Variants in TTC7A observed in about 807,000 individuals in gnomAD.
TTC7A encodes the protein tetratricopeptide repeat domain 7A.
Under a neutral mutation model 103.7 loss-of-function variants are expected in TTC7A, and 110 were observed. The observed-to-expected ratio is 1.06, with a 90% CI of 0.91 to 1.24. The LOEUF (loss-of-function observed/expected upper bound fraction) is 1.24, where lower values mean the gene tolerates loss of function less well. TTC7A is among the 50% of genes most tolerant of loss of function. The pLI, the probability that TTC7A is intolerant of heterozygous loss-of-function variation, is 0.00. For synonymous variants in TTC7A, 521 were observed against 467.9 expected, an observed-to-expected ratio of 1.11 and a Z score of -1.47; for missense variants, 1,340 against 1,116.3, an observed-to-expected ratio of 1.20 and a Z score of -2.86.
chr2:46,966,960 C>T (rs1672914033), intron 3 of TTC7A, among the ~76,000 whole-genome samples: 1 of 150,854 alleles, frequency 6.6e-6, no homozygotes, highest in Admixed American at 6.6e-5. Context: ...TGCCTATAAT[C>T]CCAGTACTTT....
rs115166201 is a variant in TTC7A at position 47,019,228 on chromosome 2, A to T, written c.1393-2634A>T. Among the ~76,000 whole-genome samples the T allele has an allele frequency of 3.6e-3, 551 of 152,244 alleles. 10 individuals carry two copies. The highest frequency in any genetic ancestry group is 0.013 in the African/African-American group (531 of 41,538). On this transcript the variant is annotated intron_variant, in intron 11 of 19. Coordinates refer to ENST00000319190, the MANE Select transcript of TTC7A (RefSeq NM_020458.4). ...GCATGCAAAAAGCCTGCCTTGTAGTATGGTAATAGAAATCAAAATTATGGC... is the reference window on the plus strand; with the variant it reads ...GCATGCAAAAAGCCTGCCTTGTAGTTTGGTAATAGAAATCAAAATTATGGC...
chr2:46,962,962 G>A (rs932953083), intron 3 of TTC7A, among the ~76,000 whole-genome samples: 1 of 152,236 alleles, frequency 6.6e-6, no homozygotes, highest in African/African-American at 2.4e-5. Context: ...ATCTTCATGG[G>A]TGAGAACCTA....
intron 2 of TTC7A, among the ~76,000 whole-genome samples, chr2:46,924,260 C>T (rs1477182812): frequency 6.6e-6 from 1 of 151,698 alleles, no homozygotes; most frequent in Non-Finnish European, 1.5e-5. Context: ...CTCAAAGTCC[C>T]TGTAAACCAG....
rs756396293 is a variant in TTC7A at position 47,073,937 on chromosome 2, G to C, written c.*14G>C. The C allele has an allele frequency of 1.9e-6, 3 of 1,600,854 alleles. No individual in the cohort carries two copies. Among genetic ancestry groups the C allele is most frequent in the Non-Finnish European group, 2.6e-6 (3 of 1,172,624 alleles). On this transcript the variant is annotated 3_prime_UTR_variant, in exon 20 of 20. Coordinates refer to ENST00000319190, the MANE Select transcript of TTC7A (RefSeq NM_020458.4). ...AGAGAGCTCTGACGACGCTGCAGCC[G>C]CAGGGAGGGAGGGGCTGGCCAGAGG...
intron 17 of TTC7A, 168 bp downstream of exon 17, chr2:47,050,214 G>C: frequency 3.2e-6 from 2 of 621,522 alleles, no homozygotes; most frequent in Non-Finnish European, 2.9e-6. Context: ...GCTCTGGGTA[G>C]GGGCTGGCTG....
intron 2 of TTC7A, among the ~76,000 whole-genome samples, chr2:46,951,957 T>C (rs1240402649): frequency 6.6e-6 from 1 of 152,172 alleles, no homozygotes; most frequent in Non-Finnish European, 1.5e-5. Context: ...AGGGGGATGC[T>C]CTTTGGGGAT....
intron 3 of TTC7A, among the ~76,000 whole-genome samples, chr2:46,966,412 A>G (rs1370555280): frequency 6.6e-6 from 1 of 152,160 alleles, no homozygotes; most frequent in African/African-American, 2.4e-5. Context: ...CTATAGGATT[A>G]TATATGCTTT....
chr2:46,966,790 CTT>C (rs34299761), intron 3 of TTC7A, among the ~76,000 whole-genome samples: 111 of 132,638 alleles, frequency 8.4e-4, no homozygotes, highest in Non-Finnish European at 9.0e-4. Context: ...CCACCCCCAG[CTT>C]TTTTTTTTTT....
chr2:46,950,664 C>A, intron 2 of TTC7A, 138 bp downstream of exon 2: 2 of 885,044 alleles, frequency 2.3e-6, no homozygotes, highest in South Asian at 3.6e-5. Flanking sequence ...ACAGTAGCCA[C>A]TGGCTGCACA....
intron 11 of TTC7A, among the ~76,000 whole-genome samples, chr2:47,012,900 C>G (rs981063475): frequency 1.3e-5 from 2 of 152,274 alleles, no homozygotes; most frequent in Admixed American, 6.5e-5. Context: ...GCATCTGGCT[C>G]GTGTTCTTTA....
In TTC7A at chr2:46,941,593, G is replaced by C. The variant is rs1177931649; in HGVS notation, c.52G>C (p.Glu18Gln). The change falls in exon 1 of 20, where the codon GAG becomes CAG. Residue 18 changes from glutamate (E) to glutamine (Q), a missense_variant. Glu to Gln is a conservative substitution (Grantham distance 29). Coordinates refer to ENST00000319190, the MANE Select transcript of TTC7A (RefSeq NM_020458.4). This position sits in a 1 kb window ranked among gnomAD's most constrained non-coding sequence, Gnocchi z 4.2. ...CTACCTGAAGGTGGAGAGCGAGCTG[G>C]AGCGCTGCCGCGCCGAGGGCCACTG... is the stretch of plus-strand genomic sequence containing the variant. ...GSYLKVESEL[E>Q]RCRAEGHWDR... 3.2e-6 allele frequency: 5 copies of C among 1,557,176 alleles called. No individual in the cohort carries two copies. The highest frequency in any genetic ancestry group is 4.3e-6 in the Non-Finnish European group (5 of 1,151,136).
At chr2:46,923,728 T>C (rs1472217330) in intron 2 of TTC7A, among the ~76,000 whole-genome samples, 1 of 151,702 alleles carries the variant, frequency 6.6e-6, no homozygotes, top group Admixed American at 6.6e-5. Flanking sequence ...CCTGTCTCTA[T>C]AGAAAAACTT....
chr2:47,013,618 T>G (rs941552954), intron 11 of TTC7A, among the ~76,000 whole-genome samples: 2 of 152,152 alleles, frequency 1.3e-5, no homozygotes, highest in African/African-American at 4.8e-5. Context: ...AGCCCTAAAT[T>G]TAGGTCTTCC....
chr2:46,966,278 A>G (rs747169319), intron 3 of TTC7A, among the ~76,000 whole-genome samples: 2 of 152,112 alleles, frequency 1.3e-5, no homozygotes, highest in East Asian at 1.9e-4. Flanking sequence ...ATAATATTTC[A>G]TCTAATTTAA....
chr2:47,038,530 A>T (rs1681382474), intron 15 of TTC7A, among the ~76,000 whole-genome samples: 1 of 152,194 alleles, frequency 6.6e-6, no homozygotes, highest in Non-Finnish European at 1.5e-5. Flanking sequence ...AGAACTCTTC[A>T]TTAAAACAGC....
upstream of TTC7A, chr2:46,916,129 A>G (rs1668776794): frequency 1.0e-6 from 1 of 985,372 alleles, no homozygotes; most frequent in South Asian, 4.7e-5. Flanking sequence ...GGCGGACCCC[A>G]AAGCTGGCTC....
Position 46,995,203 on chromosome 2 carries a change from A to T in TTC7A, c.1065+4A>T. The T allele has an allele frequency of 6.2e-7, 1 of 1,613,978 alleles. No individual in the cohort carries two copies. The highest frequency in any genetic ancestry group is 8.5e-7 in the Non-Finnish European group (1 of 1,179,938). ...CCTCCTCATCAGCGAATCCATGGTA[A>T]GCTCCAGGATGTCCTTCAGGGGCCT... is the stretch of plus-strand genomic sequence containing the variant. On this transcript the variant is annotated splice_donor_region_variant and intron_variant, in intron 8 of 19. Transcript: ENST00000319190.
chr2:47,013,913 T>C (rs1678340984), intron 11 of TTC7A, among the ~76,000 whole-genome samples: 1 of 151,966 alleles, frequency 6.6e-6, no homozygotes, highest in Non-Finnish European at 1.5e-5. Context: ...CAGGCCAGAG[T>C]GATGTCCCAT....
chr2:47,021,328 TGTG>T (rs1185678191), intron 11 of TTC7A, among the ~76,000 whole-genome samples: 1 of 152,192 alleles, frequency 6.6e-6, no homozygotes, highest in Non-Finnish European at 1.5e-5. Flanking sequence ...TCCCATGTCA[TGTG>T]GTGATGTGTG....
Sources: gnomAD v4.1 joint callset for allele counts (sites outside exome capture counted in the v4.1 genomes callset) on GRCh38, gnomAD v4.1.1 for gene constraint, Gnocchi (gnomAD v3.1) non-coding constraint, MANE v1.5 for transcripts, NCBI Gene and HGNC (gene_info 2026-07-23, HGNC 2026-07-21) for gene names.